LYSMD2: variants seen among roughly 807,000 people sequenced by gnomAD.
LYSMD2 encodes the protein LysM domain containing 2, also known as lysM and putative peptidoglycan-binding domain-containing protein 2.
LYSMD2 carries 6 observed loss-of-function variants against 17.7 expected under a neutral mutation model. The ratio of observed to expected loss-of-function variants is 0.34; its 90% CI spans 0.19 to 0.67. The LOEUF is 0.67. LYSMD2 is among the 30% of genes least tolerant of loss of function. LYSMD2 has a pLI of 0.69. For missense variants in LYSMD2, 237 were observed against 286.7 expected, an observed-to-expected ratio of 0.83 and a Z score of 1.25; for synonymous variants, 102 against 129.8, an observed-to-expected ratio of 0.79 and a Z score of 1.45.
chr15:51,748,261 C>CA (rs10556304), intron 1 of LYSMD2, among the ~76,000 whole-genome samples: 1,022 of 60,146 alleles, frequency 0.017, 43 homozygotes, highest in African/African-American at 0.023. Context: ...GACTCCGTCT[C>CA]AAAAAAAAAA....
upstream of LYSMD2, chr15:51,737,734 C>G: frequency 3.6e-6 from 3 of 834,960 alleles, no homozygotes; most frequent in Non-Finnish European, 4.7e-6. This position sits in a 1 kb window ranked among gnomAD's most constrained non-coding sequence, Gnocchi z 4.2. Flanking sequence ...CAGGCCGTTC[C>G]GCGGGGGCGG....
rs117601470 is a variant in LYSMD2, at chr15:51,744,121, T to C, written c.-1+7150A>G. Among the ~76,000 whole-genome samples, 631 of 152,298 alleles carry C rather than the reference T, an allele frequency of 4.1e-3. 4 individuals are homozygous for C. Among genetic ancestry groups the C allele is most frequent in the Non-Finnish European group, 6.4e-3 (438 of 67,998 alleles). ...GTTTTATTTCTTCCTTCTCAATCCGTATATCCCTTTTCCCCCTTATTGTCT... is the reference window on the plus strand; with the variant it reads ...GTTTTATTTCTTCCTTCTCAATCCGCATATCCCTTTTCCCCCTTATTGTCT... On this transcript the variant is annotated intron_variant, in intron 1 of 2. Coordinates refer to the LYSMD2 transcript ENST00000454181.
chr15:51,750,553 A>G (rs2055693511), intron 1 of LYSMD2, among the ~76,000 whole-genome samples: 2 of 152,342 alleles, frequency 1.3e-5, no homozygotes, highest in Admixed American at 1.3e-4. Flanking sequence ...GCAAAACTCA[A>G]CGAACCTTAG....
At chr15:51,750,554 C>T (rs541925658) in intron 1 of LYSMD2, among the ~76,000 whole-genome samples, 2 of 152,304 alleles carry the variant, frequency 1.3e-5, no homozygotes, top group African/African-American at 4.8e-5. Context: ...CAAAACTCAA[C>T]GAACCTTAGA....
chr15:51,742,182 G>A (rs1299458270), upstream of LYSMD2, among the ~76,000 whole-genome samples: 1 of 151,970 alleles, frequency 6.6e-6, no homozygotes, highest in Non-Finnish European at 1.5e-5. Flanking sequence ...CAAGATTACA[G>A]GCCTGCACCG....
Position 51,737,267 on chromosome 15 carries a change from C to T in LYSMD2, c.273+83G>A. The T allele has an allele frequency of 2.6e-6, 2 of 768,376 alleles. No homozygotes were observed. The highest frequency in any genetic ancestry group is 3.5e-6 in the Non-Finnish European group (2 of 563,992). 47.6% of individuals were successfully genotyped at this position (768,376 alleles called of 1,614,324 possible). On this transcript the variant is annotated intron_variant, in intron 1 of 2. Coordinates refer to ENST00000267838, the MANE Select transcript of LYSMD2 (RefSeq NM_153374.3). This position sits in a 1 kb window ranked among gnomAD's most constrained non-coding sequence, Gnocchi z 4.2. Reference sequence around the variant, plus strand: ...CCCCAAACCCCCACCCGCAGTCCCACCCCCACCCCCACCGCACCCCGAGCC... The same window carrying T: ...CCCCAAACCCCCACCCGCAGTCCCATCCCCACCCCCACCGCACCCCGAGCC...
At chr15:51,742,991 T>C (rs540719187) in intron 1 of LYSMD2, among the ~76,000 whole-genome samples, 2 of 152,330 alleles carry the variant, frequency 1.3e-5, no homozygotes, top group East Asian at 3.9e-4. Context: ...CATACATACA[T>C]ATGTCTAACT....
chr15:51,729,170 G>GA (rs1214816048), intron 1 of LYSMD2, among the ~76,000 whole-genome samples: 1 of 152,206 alleles, frequency 6.6e-6, no homozygotes, highest in African/African-American at 2.4e-5. Flanking sequence ...CCTGGGGCAG[G>GA]AAAAAAATCA....
chr15:51,747,056 C>T (rs898170875), intron 1 of LYSMD2, among the ~76,000 whole-genome samples: 2 of 150,294 alleles, frequency 1.3e-5, no homozygotes, highest in Admixed American at 6.6e-5. Flanking sequence ...GAAAATTAGC[C>T]GGGCTTGGTG....
chr15:51,731,230 G>A (rs1325835824), intron 1 of LYSMD2, among the ~76,000 whole-genome samples: 2 of 152,138 alleles, frequency 1.3e-5, no homozygotes, highest in East Asian at 1.9e-4. Context: ...ATTTTGTGGT[G>A]TACAACCTCA....
intron 1 of LYSMD2, among the ~76,000 whole-genome samples, chr15:51,725,518 C>T (rs1271432235): frequency 2.6e-5 from 4 of 151,956 alleles, no homozygotes; most frequent in African/African-American, 9.7e-5. Flanking sequence ...TTATGAAGTG[C>T]TTCCCATGTC....
At chr15:51,730,238 T>G (rs143511488) in intron 1 of LYSMD2, among the ~76,000 whole-genome samples, 138 of 152,350 alleles carry the variant, frequency 9.1e-4, no homozygotes, top group African/African-American at 3.1e-3. Flanking sequence ...CCAGGCGTGG[T>G]GGCTCATGCC....
intron 1 of LYSMD2, among the ~76,000 whole-genome samples, chr15:51,742,769 C>A (rs1392401736): frequency 1.3e-5 from 2 of 151,874 alleles, no homozygotes; most frequent in African/African-American, 4.8e-5. Context: ...ACCAGCCTGG[C>A]CAAAATAGTC....
At chr15:51,736,159 A>C (rs760061099) in intron 1 of LYSMD2, among the ~76,000 whole-genome samples, 1 of 152,240 alleles carries the variant, frequency 6.6e-6, no homozygotes, top group Non-Finnish European at 1.5e-5. Flanking sequence ...AATAAGATAA[A>C]GATGAAACAA....
At chr15:51,731,442 G>C (rs1280492284) in intron 1 of LYSMD2, among the ~76,000 whole-genome samples, 1 of 152,170 alleles carries the variant, frequency 6.6e-6, no homozygotes, top group Non-Finnish European at 1.5e-5. Context: ...AAATCACAAT[G>C]TTTATTCCCC....
At chr15:51,725,272 C>A in intron 1 of LYSMD2, 151 bp from the exon 2 acceptor site, 1 of 533,060 alleles carries the variant, frequency 1.9e-6, no homozygotes, top group Non-Finnish European at 3.3e-6. Context: ...TGGTAACCTC[C>A]CCAGATATCT....
At position 51,723,124 on chromosome 15, in the gene LYSMD2, T is replaced by G. The variant is rs1595846327; in HGVS notation, c.*483A>C. On this transcript the variant is annotated 3_prime_UTR_variant, in exon 3 of 3. Transcript: ENST00000267838. Reference sequence around the variant, plus strand: ...GCTTTTGTAGTTTATTTTTACAAAATAGCAGACAAAATTTGGTTCTTTATA... The same window carrying G: ...GCTTTTGTAGTTTATTTTTACAAAAGAGCAGACAAAATTTGGTTCTTTATA... 1 of 152,020 alleles carries G rather than the reference T, an allele frequency of 6.6e-6. No individual in the cohort carries two copies. Among genetic ancestry groups the G allele is most frequent in the Non-Finnish European group, 1.5e-5 (1 of 67,972 alleles). The allele number at this position is 152,020 out of a possible 1,614,324, so 9.4% of individuals were successfully genotyped here.
At chr15:51,738,481 C>T (rs2055627064), upstream of LYSMD2, among the ~76,000 whole-genome samples, 1 of 152,144 alleles carries the variant, frequency 6.6e-6, no homozygotes, top group Non-Finnish European at 1.5e-5. Context: ...ATCGCATCTC[C>T]CTGCCCCGTA....
At chr15:51,743,420 C>G (rs2055652804) in intron 1 of LYSMD2, among the ~76,000 whole-genome samples, 1 of 152,212 alleles carries the variant, frequency 6.6e-6, no homozygotes, top group Non-Finnish European at 1.5e-5. Flanking sequence ...GCTCCTTTGT[C>G]AAGAATCAGC....
Sources: gnomAD v4.1 joint callset for allele counts (sites outside exome capture counted in the v4.1 genomes callset) on GRCh38, gnomAD v4.1.1 for gene constraint, Gnocchi (gnomAD v3.1) non-coding constraint, MANE v1.5 for transcripts, NCBI Gene and HGNC (gene_info 2026-07-23, HGNC 2026-07-21) for gene names.